The following CHRM3 variants were observed in gnomAD, a reference collection of about 807,000 sequenced individuals.
CHRM3 encodes the protein muscarinic acetylcholine receptor M3.
In CHRM3, 11 loss-of-function variants were observed where a neutral mutation model predicts 41.8. The observed-to-expected ratio is 0.26, with a 90% CI of 0.17 to 0.44. The LOEUF is 0.44. CHRM3 is among the 20% of genes least tolerant of loss of function. The probability of loss-of-function intolerance (pLI) is 1.00; values close to 1 mark genes in which losing one functional copy is unlikely to be tolerated. For synonymous variants in CHRM3, 297 were observed against 301.4 expected (o/e 0.99, Z 0.15); for missense variants, 571 against 745.4 (o/e 0.77, Z 2.72).
At chr1:239,534,038 C>T (rs1250922050) in intron 2 of CHRM3, among the ~76,000 whole-genome samples, 1 of 152,078 alleles carries the variant, frequency 6.6e-6, no homozygotes, top group Non-Finnish European at 1.5e-5. Context: ...TGAAAATGCT[C>T]GTTTTAGGGC....
At chr1:239,453,809 G>A (rs1456168673) in intron 1 of CHRM3, among the ~76,000 whole-genome samples, 2 of 152,110 alleles carry the variant, frequency 1.3e-5, no homozygotes, top group South Asian at 2.1e-4. Context: ...GCAGATGTCT[G>A]TGAAGGATAA....
intron 6 of CHRM3, among the ~76,000 whole-genome samples, chr1:239,862,282 G>A (rs1675703507): frequency 6.6e-6 from 1 of 152,198 alleles, no homozygotes; most frequent in East Asian, 1.9e-4. Flanking sequence ...AGGAAGTCTA[G>A]TTTATTGGAA....
intron 3 of CHRM3, among the ~76,000 whole-genome samples, chr1:239,575,081 A>C (rs538067586): frequency 6.6e-6 from 1 of 152,360 alleles, no homozygotes; most frequent in South Asian, 2.1e-4. Flanking sequence ...TTGGTAGAGA[A>C]ACTTTAAATC....
At chr1:239,644,127 A>G (rs947070755) in intron 4 of CHRM3, among the ~76,000 whole-genome samples, 2 of 152,242 alleles carry the variant, frequency 1.3e-5, no homozygotes, top group African/African-American at 4.8e-5. Flanking sequence ...CTAACCTTTT[A>G]GTATCAAGTA....
chr1:239,688,085 A>T (rs1659319989), intron 5 of CHRM3, among the ~76,000 whole-genome samples: 1 of 151,926 alleles, frequency 6.6e-6, no homozygotes, highest in Non-Finnish European at 1.5e-5. Flanking sequence ...CCTGAAAAAA[A>T]TTGGGAGTTT....
intron 6 of CHRM3, among the ~76,000 whole-genome samples, chr1:239,885,088 C>T (rs1677959236): frequency 6.6e-6 from 1 of 152,064 alleles, no homozygotes; most frequent in African/African-American, 2.4e-5. Flanking sequence ...CTTTCTAGAG[C>T]TCATTGGAGA....
At chr1:239,668,279 G>T (rs1674027612) in intron 4 of CHRM3, among the ~76,000 whole-genome samples, 1 of 150,848 alleles carries the variant, frequency 6.6e-6, no homozygotes, top group Non-Finnish European at 1.5e-5. Flanking sequence ...AGTAGAGATG[G>T]GTTTTCACCA....
intron 6 of CHRM3, among the ~76,000 whole-genome samples, chr1:239,853,597 A>G: frequency 6.6e-6 from 1 of 152,164 alleles, no homozygotes; most frequent in African/African-American, 2.4e-5. Context: ...GAAGAAAAAA[A>G]TAAATACTCT....
chr1:239,876,141 C>T (rs547309739), intron 6 of CHRM3, among the ~76,000 whole-genome samples: 1 of 152,324 alleles, frequency 6.6e-6, no homozygotes, highest in South Asian at 2.1e-4. Flanking sequence ...AGTTTAATCT[C>T]TCGTTCAGAT....
intron 3 of CHRM3, among the ~76,000 whole-genome samples, chr1:239,559,842 C>G (rs1241124652): frequency 6.6e-6 from 1 of 152,070 alleles, no homozygotes; most frequent in Non-Finnish European, 1.5e-5. Flanking sequence ...TCGCAGGACC[C>G]AATTCTTGCA....
At position 239,859,423 on chromosome 1, in the gene CHRM3, T is replaced by TGTTG. The variant is rs1558185553; in HGVS notation, c.-20+32045_-20+32046insGTTG. Among the ~76,000 whole-genome samples, 582 of 138,670 alleles carry TGTTG rather than the reference T, an allele frequency of 4.2e-3. 4 individuals are homozygous for TGTTG. The highest frequency in any genetic ancestry group is 0.016 in the African/African-American group (564 of 34,702). 91.0% of individuals were successfully genotyped at this position (138,670 alleles called of 152,430 possible). On this transcript the variant is annotated intron_variant, in intron 6 of 6. Transcript: ENST00000676153. Reference sequence around the variant, plus strand: ...TTTTTTGTTGTTGTTGTTGTTGTTTTTTTTTTTTGTTTTTTTTTTTGAGGT... The same window carrying TGTTG: ...TTTTTTGTTGTTGTTGTTGTTGTTTTGTTGTTTTTTTTGTTTTTTTTTTTGAGGT...
At chr1:239,835,004 G>A (rs1439000342) in intron 6 of CHRM3, among the ~76,000 whole-genome samples, 3 of 152,138 alleles carry the variant, frequency 2.0e-5, no homozygotes, top group Non-Finnish European at 2.9e-5. Context: ...GGTTATAGGC[G>A]AATTAGTTCA....
At chr1:239,770,713 T>G (rs1179438153) in intron 5 of CHRM3, among the ~76,000 whole-genome samples, 3 of 152,112 alleles carry the variant, frequency 2.0e-5, no homozygotes, top group Admixed American at 6.5e-5. Flanking sequence ...AAAATAATTA[T>G]CATTGGTGAT....
intron 2 of CHRM3, among the ~76,000 whole-genome samples, chr1:239,539,708 C>T (rs995843503): frequency 1.3e-5 from 2 of 152,142 alleles, no homozygotes; most frequent in African/African-American, 2.4e-5. Context: ...TGGCTCACTG[C>T]AGCCTCAACC....
chr1:239,570,826 T>C (rs189729772), intron 3 of CHRM3, among the ~76,000 whole-genome samples: 1 of 152,278 alleles, frequency 6.6e-6, no homozygotes, highest in East Asian at 1.9e-4. Flanking sequence ...CTAGATGATC[T>C]GAATGACTAG....
chr1:239,856,812 G>C (rs1675162407), intron 6 of CHRM3, among the ~76,000 whole-genome samples: 1 of 152,144 alleles, frequency 6.6e-6, no homozygotes, highest in African/African-American at 2.4e-5. Flanking sequence ...ATGGAAAGGA[G>C]TTAGAGAGGG....
intron 4 of CHRM3, among the ~76,000 whole-genome samples, chr1:239,639,245 A>G (rs1573065177): frequency 6.6e-6 from 1 of 152,034 alleles, no homozygotes; most frequent in Non-Finnish European, 1.5e-5. Context: ...TTGGTGATGT[A>G]GGCTCTATTT....
chr1:239,700,011 C>A (rs1660538870), intron 5 of CHRM3, among the ~76,000 whole-genome samples: 1 of 152,094 alleles, frequency 6.6e-6, no homozygotes, highest in Non-Finnish European at 1.5e-5. Context: ...CATTTTCCAT[C>A]ACTCTGGAAG....
At chr1:239,670,126 A>C (rs1441932019) in intron 4 of CHRM3, among the ~76,000 whole-genome samples, 1 of 152,200 alleles carries the variant, frequency 6.6e-6, no homozygotes, top group African/African-American at 2.4e-5. Flanking sequence ...GCTCATCTTT[A>C]GTGTATATTT....
Sources: allele counts gnomAD v4.1 joint callset (sites outside exome capture counted in the v4.1 genomes callset), GRCh38; gene constraint gnomAD v4.1.1; transcripts MANE v1.5; gene names NCBI Gene and HGNC (gene_info 2026-07-23, HGNC 2026-07-21).